Variants in DDC observed in about 807,000 individuals in gnomAD.
DDC encodes the protein dopa decarboxylase.
DDC carries 43 observed loss-of-function variants against 60.0 expected under a neutral mutation model. The observed-to-expected ratio is 0.72, with a 90% CI of 0.56 to 0.92. The LOEUF is 0.92. Ranked by LOEUF, DDC falls within the 40% of genes least tolerant of loss-of-function variation. The pLI, the probability that DDC is intolerant of heterozygous loss-of-function variation, is 0.00. For missense variants in DDC, 573 were observed against 620.2 expected, an observed-to-expected ratio of 0.92 and a Z score of 0.81; for synonymous variants, 232 against 234.6, an observed-to-expected ratio of 0.99 and a Z score of 0.10.
At chr7:50,494,114 T>C (rs1277485883) in intron 9 of DDC, among the ~76,000 whole-genome samples, 1 of 152,232 alleles carries the variant, frequency 6.6e-6, no homozygotes, top group Non-Finnish European at 1.5e-5. Context: ...CCATCATCAT[T>C]ATTTCTTTAA....
At chr7:50,459,880 T>TG (rs1170230284) in intron 14 of DDC, among the ~76,000 whole-genome samples, 90 of 110,928 alleles carry the variant, frequency 8.1e-4, no homozygotes, top group Non-Finnish European at 1.4e-3. Flanking sequence ...GGGAGGGAGG[T>TG]GGGGGGGTCA....
intron 1 of DDC, among the ~76,000 whole-genome samples, chr7:50,562,790 A>G (rs1404725348): frequency 6.6e-6 from 1 of 152,190 alleles, no homozygotes; most frequent in Admixed American, 6.5e-5. Context: ...AGGTGCTGAT[A>G]TTTTATTATC....
At chr7:50,554,893 G>A (rs762332739) in intron 1 of DDC, among the ~76,000 whole-genome samples, 2 of 152,168 alleles carry the variant, frequency 1.3e-5, no homozygotes, top group African/African-American at 4.8e-5. Flanking sequence ...AAAGTGTTCT[G>A]GGAGGCAGCA....
At chr7:50,505,821 A>G (rs1232366704) in intron 6 of DDC, among the ~76,000 whole-genome samples, 2 of 152,244 alleles carry the variant, frequency 1.3e-5, no homozygotes, top group Admixed American at 1.3e-4. Context: ...GCTATGCCCA[A>G]GGGAGTCAGT....
At chr7:50,493,012 G>A (rs567742120) in intron 9 of DDC, 4 of 1,590,142 alleles carry the variant, frequency 2.5e-6, no homozygotes, top group African/African-American at 2.7e-5. Context: ...GGACCTGAGG[G>A]CAGGACGCCG....
At chr7:50,468,163 C>CA (rs2042442030) in intron 12 of DDC, among the ~76,000 whole-genome samples, 1 of 152,198 alleles carries the variant, frequency 6.6e-6, no homozygotes, top group African/African-American at 2.4e-5. Flanking sequence ...GTGGCTGGGA[C>CA]AAAAACACGT....
At chr7:50,465,552 A>G (rs565240759) in intron 13 of DDC, among the ~76,000 whole-genome samples, 1 of 152,338 alleles carries the variant, frequency 6.6e-6, no homozygotes, top group East Asian at 1.9e-4. Context: ...TTGTATTTGT[A>G]GTAGAGACGA....
intron 11 of DDC, among the ~76,000 whole-genome samples, chr7:50,472,286 T>A (rs373228233): frequency 6.6e-6 from 1 of 152,202 alleles, no homozygotes; most frequent in Non-Finnish European, 1.5e-5. Flanking sequence ...TGTGGAAGAT[T>A]GTTGATGGAC....
chr7:50,471,043 G>A (rs566822120), intron 11 of DDC, among the ~76,000 whole-genome samples: 20 of 152,312 alleles, frequency 1.3e-4, no homozygotes, highest in Admixed American at 3.3e-4. Flanking sequence ...CTGCTTAGCC[G>A]GAGTCCTGAG....
intron 8 of DDC, among the ~76,000 whole-genome samples, chr7:50,498,659 T>C (rs11575399): frequency 0.012 from 1,904 of 152,346 alleles, 43 homozygotes; most frequent in African/African-American, 0.042. Flanking sequence ...CACTTAGCAT[T>C]AAAGATCATG....
In DDC at chr7:50,504,071, A is replaced by G. The variant is rs1384601664; in HGVS notation, c.715-12T>C. ...AGGGTGGCAACCATCTAGAGGGTAAAAAGCAGACAGCCTTTTATTCCCCAG... is the reference window on the plus strand; with the variant it reads ...AGGGTGGCAACCATCTAGAGGGTAAGAAGCAGACAGCCTTTTATTCCCCAG... On this transcript the variant is annotated splice_polypyrimidine_tract_variant and intron_variant, in intron 6 of 14. Coordinates refer to ENST00000444124, the MANE Select transcript of DDC (RefSeq NM_001082971.2). The G allele has an allele frequency of 6.2e-7, 1 of 1,606,480 alleles. No individual in the cohort carries two copies. The highest frequency in any genetic ancestry group is 8.5e-7 in the Non-Finnish European group (1 of 1,173,048).
intron 6 of DDC, among the ~76,000 whole-genome samples, chr7:50,508,713 C>A (rs1467096415): frequency 6.6e-6 from 1 of 152,174 alleles, no homozygotes; most frequent in East Asian, 1.9e-4. Context: ...GTGGCTACAT[C>A]CCAGAAGGAC....
intron 6 of DDC, among the ~76,000 whole-genome samples, chr7:50,508,744 T>G (rs1410227384): frequency 6.6e-6 from 1 of 152,328 alleles, no homozygotes; most frequent in South Asian, 2.1e-4. Context: ...ATTATGCACA[T>G]GCCCAGTTAT....
chr7:50,471,087 G>T (rs900228133), intron 11 of DDC, among the ~76,000 whole-genome samples: 1 of 152,168 alleles, frequency 6.6e-6, no homozygotes, highest in Non-Finnish European at 1.5e-5. Context: ...GGGCTTGCAG[G>T]TGTTTTTTAA....
chr7:50,470,984 G>A (rs2042516915), intron 11 of DDC, among the ~76,000 whole-genome samples: 1 of 152,230 alleles, frequency 6.6e-6, no homozygotes, highest in East Asian at 1.9e-4. Context: ...GTGACACAGT[G>A]CAGCCAGGCG....
chr7:50,460,512 A>G (rs2042248570), intron 14 of DDC, among the ~76,000 whole-genome samples: 1 of 151,392 alleles, frequency 6.6e-6, no homozygotes, highest in African/African-American at 2.4e-5. Flanking sequence ...GGAAGTGAGG[A>G]GCCCCTCTGC....
intron 1 of DDC, among the ~76,000 whole-genome samples, chr7:50,562,180 G>A (rs2045355713): frequency 1.3e-5 from 2 of 152,246 alleles, no homozygotes; most frequent in Non-Finnish European, 2.9e-5. Flanking sequence ...CGGCCTTCCA[G>A]GCAGCAGAAC....
chr7:50,522,837 G>C (rs1054670746), intron 6 of DDC, among the ~76,000 whole-genome samples: 1 of 152,154 alleles, frequency 6.6e-6, no homozygotes, highest in Non-Finnish European at 1.5e-5. Context: ...TGGCTGGGGG[G>C]GCCTCCGGAA....
chr7:50,507,270 T>G (rs1476509862), intron 6 of DDC, among the ~76,000 whole-genome samples: 1 of 152,080 alleles, frequency 6.6e-6, no homozygotes, highest in Non-Finnish European at 1.5e-5. Context: ...GGAGTTTCAC[T>G]CTTTTTGTCG....
Sources: allele counts gnomAD v4.1 joint callset (sites outside exome capture counted in the v4.1 genomes callset), GRCh38; gene constraint gnomAD v4.1.1; transcripts MANE v1.5; gene names NCBI Gene and HGNC (gene_info 2026-07-23, HGNC 2026-07-21).